Variants in ATXN10 observed in about 807,000 individuals in gnomAD.
The protein encoded by ATXN10 is ataxin 10, also known as ataxin-10.
Under a neutral mutation model 52.9 loss-of-function variants are expected in ATXN10, and 28 were observed. That is an observed-to-expected ratio of 0.53 (90% CI 0.39 to 0.73). The LOEUF (loss-of-function observed/expected upper bound fraction) is 0.73, where lower values mean the gene tolerates loss of function less well. Ranked by LOEUF, ATXN10 falls within the 30% of genes least tolerant of loss-of-function variation. The probability of loss-of-function intolerance (pLI) is 0.00; values close to 1 mark genes in which losing one functional copy is unlikely to be tolerated. For missense variants in ATXN10, 565 were observed against 577.0 expected (o/e 0.98, Z 0.21); for synonymous variants, 226 against 221.5 (o/e 1.02, Z -0.18).
rs1928900908 is a variant in ATXN10 at position 45,828,870 on chromosome 22, C to T, written c.1238-14121C>T. ...AATACCAATCCTTCTCAAACTTTTC[C>T]AAAAAAATTGAGGAGAAGAGAACAC... On this transcript the variant is annotated intron_variant, in intron 10 of 11. Coordinates refer to ENST00000252934, the MANE Select transcript of ATXN10 (RefSeq NM_013236.4). The surrounding 1 kb of genome is among the most constrained non-coding windows in gnomAD (Gnocchi z 4.5). Among the ~76,000 whole-genome samples, 1 of 151,980 alleles carries T rather than the reference C, an allele frequency of 6.6e-6. No individual in the cohort carries two copies. Among genetic ancestry groups the T allele is most frequent in the Admixed American group, 6.6e-5 (1 of 15,258 alleles).
At chr22:45,802,408 A>T (rs1022899296) in intron 9 of ATXN10, among the ~76,000 whole-genome samples, 27 of 152,206 alleles carry the variant, frequency 1.8e-4, no homozygotes, top group Non-Finnish European at 2.8e-4. Context: ...TATAGCAGTA[A>T]ACTTGGACTT....
chr22:45,693,171 GTTC>G, intron 3 of ATXN10, 93 bp downstream of exon 3: 2 of 1,023,838 alleles, frequency 2.0e-6, no homozygotes, highest in Non-Finnish European at 3.0e-6. Flanking sequence ...TGAAACACAT[GTTC>G]TGTATTTCAT....
In ATXN10 at chr22:45,844,567, A is replaced by G. The variant is rs1433118428; in HGVS notation, c.*896A>G. On this transcript the variant is annotated 3_prime_UTR_variant, in exon 12 of 12. Coordinates refer to ENST00000252934, the MANE Select transcript of ATXN10 (RefSeq NM_013236.4). Reference sequence around the variant, plus strand: ...GGGAGCAGGAGTTTATTTGACATCTAGTTATCTGTCTGTCTGTTCATCTAT... The same window carrying G: ...GGGAGCAGGAGTTTATTTGACATCTGGTTATCTGTCTGTCTGTTCATCTAT... 1 of 152,216 alleles carries G rather than the reference A, an allele frequency of 6.6e-6. No individual in the cohort carries two copies. The highest frequency in any genetic ancestry group is 1.5e-5 in the Non-Finnish European group (1 of 68,042). The allele number at this position is 152,216 out of a possible 1,614,324, so 9.4% of individuals were successfully genotyped here.
At chr22:45,697,919 C>T (rs569874094) in intron 3 of ATXN10, among the ~76,000 whole-genome samples, 3 of 152,334 alleles carry the variant, frequency 2.0e-5, no homozygotes, top group East Asian at 1.9e-4. Flanking sequence ...CGTGAGCCAC[C>T]GCTCCTGGCC....
intron 9 of ATXN10, among the ~76,000 whole-genome samples, chr22:45,749,350 C>T (rs1338660978): frequency 6.6e-6 from 1 of 152,120 alleles, no homozygotes; most frequent in East Asian, 1.9e-4. Flanking sequence ...CTCCAGAGCC[C>T]ATACTTTTCC....
chr22:45,779,695 A>G lies in ATXN10; in HGVS notation c.1174-27264A>G, dbSNP rs118032770. On this transcript the variant is annotated intron_variant, in intron 9 of 11. Coordinates refer to ENST00000252934, the MANE Select transcript of ATXN10 (RefSeq NM_013236.4). Reference sequence around the variant, plus strand: ...TAGATCTGAAAGCACAGATGCTGTGAAAGGACCAATTCTATATTGCCTTGC... The same window carrying G: ...TAGATCTGAAAGCACAGATGCTGTGGAAGGACCAATTCTATATTGCCTTGC... 6.4e-3 allele frequency among the ~76,000 whole-genome samples: 972 copies of G among 152,352 alleles called. 7 individuals carry two copies. The highest frequency in any genetic ancestry group is 0.015 in the South Asian group (71 of 4,828).
intron 1 of ATXN10, among the ~76,000 whole-genome samples, chr22:45,687,518 A>T (rs1361177510): frequency 6.6e-6 from 1 of 152,216 alleles, no homozygotes; most frequent in East Asian, 1.9e-4. Flanking sequence ...TCATCTCAGT[A>T]GGAAAAGAGA....
Position 45,843,296 on chromosome 22 carries a change from T to C in ATXN10, c.1425+118T>C, listed in dbSNP as rs1002202421. 6 of 1,172,518 alleles carry C rather than the reference T, an allele frequency of 5.1e-6. No homozygotes were observed. The African/African-American group carries it at 7.6e-5, about 15-fold the overall frequency. 72.6% of individuals were successfully genotyped at this position (1,172,518 alleles called of 1,614,324 possible). Reference sequence around the variant, plus strand: ...ATATGGATGGGAGAATTGTGCCCTCTATAGTGGTTTACCGAGGAAAGCCCT... The same window carrying C: ...ATATGGATGGGAGAATTGTGCCCTCCATAGTGGTTTACCGAGGAAAGCCCT... On this transcript the variant is annotated intron_variant, in intron 11 of 11. Coordinates refer to ENST00000252934, the MANE Select transcript of ATXN10 (RefSeq NM_013236.4). The surrounding 1 kb of genome is among the most constrained non-coding windows in gnomAD (Gnocchi z 4.5).
chr22:45,710,942 T>A (rs1569031956), intron 5 of ATXN10, among the ~76,000 whole-genome samples: 1 of 152,174 alleles, frequency 6.6e-6, no homozygotes, highest in Admixed American at 6.5e-5. Context: ...CTGGTTCTCC[T>A]GAACCAGATA....
chr22:45,684,252 C>T lies in ATXN10; in HGVS notation c.117-5460C>T, dbSNP rs892432577. 1.3e-5 allele frequency among the ~76,000 whole-genome samples: 2 copies of T among 152,098 alleles called. No homozygotes were observed. The highest frequency in any genetic ancestry group is 2.1e-4 in the South Asian group (1 of 4,820). ...AGGCATATGAACCACTGCGCCTGGC[C>T]GCCTTAGTTCCTTTCATTTAGCACA... On this transcript the variant is annotated intron_variant, in intron 1 of 11. Transcript: ENST00000252934. This position sits in a 1 kb window ranked among gnomAD's most constrained non-coding sequence, Gnocchi z 4.1.
intron 1 of ATXN10, among the ~76,000 whole-genome samples, chr22:45,685,642 C>T (rs1021190030): frequency 6.6e-6 from 1 of 152,172 alleles, no homozygotes; most frequent in Non-Finnish European, 1.5e-5. Context: ...TATTCTGGAT[C>T]TGTAATGCCA....
At chr22:45,731,628 C>T (rs1925092311) in intron 7 of ATXN10, among the ~76,000 whole-genome samples, 1 of 152,156 alleles carries the variant, frequency 6.6e-6, no homozygotes, top group African/African-American at 2.4e-5. Flanking sequence ...GGATACTCAT[C>T]CACTGTCCAC....
chr22:45,802,111 T>G (rs1156513024), intron 9 of ATXN10, among the ~76,000 whole-genome samples: 1 of 152,204 alleles, frequency 6.6e-6, no homozygotes, highest in Admixed American at 6.5e-5. Flanking sequence ...AAAGAACAGT[T>G]CCCAAATCTA....
Position 45,690,600 on chromosome 22 carries a change from T to G in ATXN10, c.308+697T>G, listed in dbSNP as rs191321665. On this transcript the variant is annotated intron_variant, in intron 2 of 11. Transcript: ENST00000252934. The surrounding 1 kb of genome is among the most constrained non-coding windows in gnomAD (Gnocchi z 4.5). ...TTTTAATTACTTTTAATGTTTTAATTTGTTACTCTTGTGTTTGGACAAGAA... is the reference window on the plus strand; with the variant it reads ...TTTTAATTACTTTTAATGTTTTAATGTGTTACTCTTGTGTTTGGACAAGAA... 6.6e-6 allele frequency among the ~76,000 whole-genome samples: 1 copy of G among 152,364 alleles called. No homozygotes were observed. The highest frequency in any genetic ancestry group is 1.9e-4 in the East Asian group (1 of 5,190).
intron 3 of ATXN10, 145 bp downstream of exon 3, chr22:45,693,223 A>G (rs1054122221): frequency 2.7e-6 from 2 of 742,846 alleles, no homozygotes; most frequent in Non-Finnish European, 4.5e-6. Context: ...TTAAAGAATT[A>G]TAAAGTTGTA....
rs996984704 is a variant in ATXN10, at chr22:45,835,137, C to T, written c.1238-7854C>T. 2.0e-5 allele frequency among the ~76,000 whole-genome samples: 3 copies of T among 152,204 alleles called. No individual in the cohort carries two copies. The highest frequency in any genetic ancestry group is 2.9e-5 in the Non-Finnish European group (2 of 68,040). Reference sequence around the variant, plus strand: ...CGTGAATGTGAGGTACCTGTGAGCGCGGCCCTCCATCGGCCACAGAAGCTT... The same window carrying T: ...CGTGAATGTGAGGTACCTGTGAGCGTGGCCCTCCATCGGCCACAGAAGCTT... On this transcript the variant is annotated intron_variant, in intron 10 of 11. Transcript: ENST00000252934. This position sits in a 1 kb window ranked among gnomAD's most constrained non-coding sequence, Gnocchi z 5.0.
chr22:45,695,338 A>G (rs1032937698), intron 3 of ATXN10, among the ~76,000 whole-genome samples: 2 of 152,036 alleles, frequency 1.3e-5, no homozygotes, highest in African/African-American at 4.8e-5. Flanking sequence ...AAAAAAAAAA[A>G]AAATTGTCAT....
At chr22:45,817,233 G>A (rs1928491546) in intron 10 of ATXN10, among the ~76,000 whole-genome samples, 1 of 150,408 alleles carries the variant, frequency 6.6e-6, no homozygotes, top group African/African-American at 2.4e-5. Context: ...AGCACTATGT[G>A]TTAATTGTTC....
Position 45,781,491 on chromosome 22 carries a change from T to C in ATXN10, c.1174-25468T>C, listed in dbSNP as rs1203181584. On this transcript the variant is annotated intron_variant, in intron 9 of 11. Coordinates refer to ENST00000252934, the MANE Select transcript of ATXN10 (RefSeq NM_013236.4). The surrounding 1 kb of genome is among the most constrained non-coding windows in gnomAD (Gnocchi z 4.2). ...TTCCACGTGCTGTTGTTGAACGAGCTCTGCTAAAATAGGAGACTTAAACTT... is the reference window on the plus strand; with the variant it reads ...TTCCACGTGCTGTTGTTGAACGAGCCCTGCTAAAATAGGAGACTTAAACTT... Among the ~76,000 whole-genome samples the C allele has an allele frequency of 6.6e-6, 1 of 152,192 alleles. No individual in the cohort carries two copies. The highest frequency in any genetic ancestry group is 1.5e-5 in the Non-Finnish European group (1 of 68,040).
Sources: allele counts gnomAD v4.1 joint callset (sites outside exome capture counted in the v4.1 genomes callset), GRCh38; gene constraint gnomAD v4.1.1; non-coding constraint Gnocchi (gnomAD v3.1); transcripts MANE v1.5; gene names NCBI Gene and HGNC (gene_info 2026-07-23, HGNC 2026-07-21).